ZNF254: variants seen among roughly 807,000 people sequenced by gnomAD.
The protein encoded by ZNF254 is CTD-2017D11.1.
ZNF254 carries 10 observed loss-of-function variants against 12.4 expected under a neutral mutation model. The ratio of observed to expected loss-of-function variants is 0.80; its 90% CI spans 0.50 to 1.36. The LOEUF is 1.36. Ranked by LOEUF, ZNF254 falls within the 40% of genes most tolerant of loss-of-function variation. ZNF254 has a pLI of 0.00. For synonymous variants in ZNF254, 305 were observed against 253.4 expected, an observed-to-expected ratio of 1.20 and a Z score of -1.93; for missense variants, 996 against 763.9, an observed-to-expected ratio of 1.30 and a Z score of -3.58.
intron 2 of ZNF254, among the ~76,000 whole-genome samples, chr19:24,082,024 G>A (rs966269295): frequency 2.0e-5 from 3 of 151,968 alleles, no homozygotes; most frequent in Non-Finnish European, 4.4e-5. Context: ...TCTGGAGGAT[G>A]AGGCATGAGA....
Position 24,129,236 on chromosome 19 carries a change from GTTATT to G in ZNF254, c.*1262_*1266del, listed in dbSNP as rs990773059. The G allele has an allele frequency of 7.2e-5, 11 of 151,924 alleles. No individual in the cohort carries two copies. Among genetic ancestry groups the G allele is most frequent in the African/African-American group, 2.4e-4 (10 of 41,400 alleles). 9.4% of individuals were successfully genotyped at this position (151,924 alleles called of 1,614,324 possible). A position where few individuals can be genotyped will look rare whatever the true frequency, so the allele number is the denominator to read the frequency against. Reference sequence around the variant, plus strand: ...TTAGTTAAAATTAAGTTAGTCATATGTTATTTTATTAATTGTACTTCTATGAAATA... The same window carrying G: ...TTAGTTAAAATTAAGTTAGTCATATGTTATTAATTGTACTTCTATGAAATA... On this transcript the variant is annotated 3_prime_UTR_variant, in exon 4 of 4. Transcript: ENST00000357002.
intron 2 of ZNF254, among the ~76,000 whole-genome samples, chr19:24,051,473 T>C (rs575249059): frequency 4.6e-5 from 7 of 152,218 alleles, no homozygotes; most frequent in African/African-American, 1.7e-4. Context: ...GTAACTCTTT[T>C]GTTTGGACTG....
At chr19:24,039,875 C>G (rs1047584905) in intron 1 of ZNF254, among the ~76,000 whole-genome samples, 1 of 152,150 alleles carries the variant, frequency 6.6e-6, no homozygotes, top group African/African-American at 2.4e-5. Context: ...AGAGTTGTTA[C>G]AATTATTTCT....
chr19:24,071,987 C>G (rs1422961844), intron 2 of ZNF254, among the ~76,000 whole-genome samples: 2 of 152,034 alleles, frequency 1.3e-5, no homozygotes, highest in Non-Finnish European at 2.9e-5. Flanking sequence ...CTGGGTCCAA[C>G]AGGTAGATGG....
rs780016619 is a variant in ZNF254, at chr19:24,127,200, T to C, written c.1200T>C (p.His400=). 6.2e-7 allele frequency: 1 copy of C among 1,613,242 alleles called. No homozygotes were observed. The change falls in exon 4 of 4, where the codon CAT becomes CAC. Residue 400 remains histidine (H), a synonymous_variant. Coordinates refer to ENST00000357002, the MANE Select transcript of ZNF254 (RefSeq NM_203282.4). ...LSTLTTHKII[H]VGEKLYKCEE... ...CTCTTACTACACATAAAATAATTCA[T>C]GTTGGAGAGAAACTCTACAAATGTG...
At chr19:24,087,486 G>A (rs1269084460) in intron 1 of ZNF254, 149 bp downstream of exon 1, 1 of 1,026,842 alleles carries the variant, frequency 9.7e-7, no homozygotes, top group African/African-American at 1.6e-5. Flanking sequence ...ATAAGATGGC[G>A]GCTGCGCTGA....
At chr19:24,120,621 T>C (rs12232877) in intron 3 of ZNF254, among the ~76,000 whole-genome samples, 23,466 of 151,940 alleles carry the variant, frequency 0.15, 2,593 homozygotes, top group East Asian at 0.44. Flanking sequence ...TATTATTTTA[T>C]TTTTAAATAA....
intron 2 of ZNF254, among the ~76,000 whole-genome samples, chr19:24,059,327 G>A (rs145048287): frequency 1.3e-5 from 2 of 152,080 alleles, no homozygotes; most frequent in Non-Finnish European, 2.9e-5. Context: ...GTCCATATGG[G>A]GATTGTGATA....
upstream of ZNF254, among the ~76,000 whole-genome samples, chr19:24,085,778 A>G (rs897412853): frequency 6.6e-6 from 1 of 151,890 alleles, no homozygotes; most frequent in Non-Finnish European, 1.5e-5. Context: ...CTGGAAATAA[A>G]AAAACAGTGT....
At chr19:24,099,041 G>C (rs1972844979) in intron 1 of ZNF254, 1 of 123,028 alleles carries the variant, frequency 8.1e-6, no homozygotes, top group South Asian at 2.6e-4. Flanking sequence ...CTGTCTCCCA[G>C]GCTGGAGTGC....
chr19:24,048,482 C>T (rs1317430431), intron 2 of ZNF254, among the ~76,000 whole-genome samples: 6 of 152,208 alleles, frequency 3.9e-5, no homozygotes, highest in South Asian at 2.1e-4. Context: ...AGATGGTTCT[C>T]GCCAGTGCAG....
At chr19:24,090,919 C>T (rs1314984997) in intron 1 of ZNF254, among the ~76,000 whole-genome samples, 1 of 138,884 alleles carries the variant, frequency 7.2e-6, no homozygotes. Context: ...GTTTCTCGGA[C>T]ATGTTTTTTT....
intron 3 of ZNF254, among the ~76,000 whole-genome samples, chr19:24,108,581 A>G (rs1973475863): frequency 6.6e-6 from 1 of 152,104 alleles, no homozygotes; most frequent in Non-Finnish European, 1.5e-5. Context: ...TCCAACTTTC[A>G]TGTACCATGT....
chr19:24,044,713 T>C (rs1469652248), intron 1 of ZNF254, among the ~76,000 whole-genome samples: 1 of 152,210 alleles, frequency 6.6e-6, no homozygotes, highest in African/African-American at 2.4e-5. Flanking sequence ...AAGTATCTTA[T>C]TTAGTAACTC....
At position 24,129,724 on chromosome 19, in the gene ZNF254, T is replaced by C. The variant is rs1342893380; in HGVS notation, c.*1744T>C. On this transcript the variant is annotated 3_prime_UTR_variant, in exon 4 of 4. Transcript: ENST00000357002. ...TTACAAGCAATTCAATTGTACACTTTTAGTTATTTTTAAATTTACAATGTT... is the reference window on the plus strand; with the variant it reads ...TTACAAGCAATTCAATTGTACACTTCTAGTTATTTTTAAATTTACAATGTT... 2 of 152,030 alleles carry C rather than the reference T, an allele frequency of 1.3e-5. No individual in the cohort carries two copies. The highest frequency in any genetic ancestry group is 2.4e-5 in the African/African-American group (1 of 41,452). 9.4% of individuals were successfully genotyped at this position (152,030 alleles called of 1,614,324 possible).
chr19:24,121,400 T>C (rs943036034), intron 3 of ZNF254, among the ~76,000 whole-genome samples: 2 of 152,192 alleles, frequency 1.3e-5, no homozygotes, highest in East Asian at 3.8e-4. Flanking sequence ...ACATCTGATA[T>C]TTGTGTTTTG....
Position 24,126,679 on chromosome 19 carries a change from A to C in ZNF254, c.679A>C (p.Asn227His), listed in dbSNP as rs1315939201. 7 of 1,613,146 alleles carry C rather than the reference A, an allele frequency of 4.3e-6. No homozygotes were observed. Among genetic ancestry groups the C allele is most frequent in the Middle Eastern group, 3.3e-4 (2 of 6,054 alleles). Residue 227 changes from asparagine to histidine, a missense_variant, in exon 4 of 4, where the codon AAT becomes CAT. Coordinates refer to ENST00000357002, the MANE Select transcript of ZNF254 (RefSeq NM_203282.4). ...KTFNWSSTLT[N>H]HRKIYTEEKP... ...CTTTAATTGGTCCTCAACCCTTACT[A>C]ATCATAGGAAAATTTATACTGAAGA...
At chr19:24,120,244 A>G (rs976083066) in intron 3 of ZNF254, among the ~76,000 whole-genome samples, 3 of 152,124 alleles carry the variant, frequency 2.0e-5, no homozygotes, top group Non-Finnish European at 2.9e-5. Flanking sequence ...CCATGATTCA[A>G]TTACCTCCTA....
At chr19:24,067,085 C>T (rs752653604) in intron 2 of ZNF254, among the ~76,000 whole-genome samples, 28 of 151,920 alleles carry the variant, frequency 1.8e-4, no homozygotes, top group Non-Finnish European at 4.1e-4. Context: ...TGAAATATTA[C>T]TGAACTAAGC....
Sources: allele counts gnomAD v4.1 joint callset (sites outside exome capture counted in the v4.1 genomes callset), GRCh38; gene constraint gnomAD v4.1.1; transcripts MANE v1.5; gene names NCBI Gene and HGNC (gene_info 2026-07-23, HGNC 2026-07-21).